The following NAPA variants were observed in gnomAD, a reference collection of about 807,000 sequenced individuals.
The protein encoded by NAPA is alpha-soluble NSF attachment protein.
A neutral mutation model predicts 48.0 loss-of-function variants in NAPA; 18 were observed. The observed-to-expected ratio is 0.38, with a 90% CI of 0.26 to 0.56. The LOEUF (loss-of-function observed/expected upper bound fraction) is 0.56, where lower values mean the gene tolerates loss of function less well. Among genes scored for constraint, NAPA ranks in the 20% least tolerant of loss-of-function variants. NAPA has a pLI of 0.77. For synonymous variants in NAPA, 152 were observed against 149.9 expected (o/e 1.01, Z -0.10); for missense variants, 315 against 385.0 (o/e 0.82, Z 1.52).
chr19:47,502,978 G>A (rs1019594884), intron 2 of NAPA, among the ~76,000 whole-genome samples: 2 of 152,204 alleles, frequency 1.3e-5, no homozygotes, highest in Non-Finnish European at 2.9e-5. Context: ...CTGACCCTTA[G>A]GGCTGCTGTG....
intron 1 of NAPA, 82 bp downstream of exon 1, chr19:47,514,761 G>A (rs1337721606): frequency 1.3e-5 from 18 of 1,359,016 alleles, no homozygotes; most frequent in Non-Finnish European, 1.7e-5. Flanking sequence ...CGAGCTCTGC[G>A]TGCCCTAACC....
intron 1 of NAPA, 34 bp downstream of exon 1, chr19:47,514,809 T>TA (rs1645887152): frequency 6.3e-7 from 1 of 1,599,474 alleles, no homozygotes; most frequent in African/African-American, 1.3e-5. Context: ...CCTCTCAGCC[T>TA]AGGTCCCGGC....
At chr19:47,508,493 A>C (rs940570197) in intron 1 of NAPA, among the ~76,000 whole-genome samples, 2 of 152,256 alleles carry the variant, frequency 1.3e-5, no homozygotes, top group Middle Eastern at 3.4e-3. Flanking sequence ...TGAAAGAATA[A>C]AGTGTCACAG....
At chr19:47,514,582 T>G (rs1968868679) in intron 1 of NAPA, among the ~76,000 whole-genome samples, 1 of 152,014 alleles carries the variant, frequency 6.6e-6, no homozygotes, top group African/African-American at 2.4e-5. Context: ...CGCCTCAAGA[T>G]AGTGTCGCCT....
At chr19:47,488,442 G>A in intron 10 of NAPA, 53 bp from the exon 11 acceptor site, 2 of 1,437,820 alleles carry the variant, frequency 1.4e-6, no homozygotes, top group Non-Finnish European at 9.7e-7. Context: ...TCCCAACCCT[G>A]CAGCCCAAGG....
rs1019574947 is a variant in NAPA at position 47,514,860 on chromosome 19, G to A, written c.81C>T (p.Phe27=). The part of the protein sequence containing the change: ...AERKVKNSQS[F]FSGLFGGSSK... Reference sequence around the variant, plus strand: ...GTTCTCACCCAAAGAGGCCAGAGAAGAAGGACTGCGAGTTCTTCACTTTGC... The same window carrying A: ...GTTCTCACCCAAAGAGGCCAGAGAAAAAGGACTGCGAGTTCTTCACTTTGC... Residue 27 remains phenylalanine (F), a synonymous_variant, in exon 1 of 11, where the codon TTC becomes TTT. Transcript: ENST00000263354. 5.0e-6 allele frequency: 8 copies of A among 1,614,036 alleles called. No homozygotes were observed. Among genetic ancestry groups the A allele is most frequent in the Middle Eastern group, 3.3e-4 (2 of 6,062 alleles).
chr19:47,500,425 G>A (rs752414703), intron 3 of NAPA, among the ~76,000 whole-genome samples: 1 of 152,194 alleles, frequency 6.6e-6, no homozygotes, highest in Non-Finnish European at 1.5e-5. Flanking sequence ...ATAGGGGGGC[G>A]GAGACTTGAG....
chr19:47,503,162 T>G (rs1310949546), intron 2 of NAPA, among the ~76,000 whole-genome samples: 2 of 152,252 alleles, frequency 1.3e-5, no homozygotes, highest in Non-Finnish European at 2.9e-5. Context: ...CTCTAAGAGC[T>G]CATCAATCCA....
chr19:47,494,161 C>T (rs1454514070), intron 4 of NAPA, among the ~76,000 whole-genome samples: 1 of 152,214 alleles, frequency 6.6e-6, no homozygotes, highest in African/African-American at 2.4e-5. Context: ...TCAGCCAGAC[C>T]TTGTTTCGGG....
At chr19:47,500,419 G>T (rs925636724) in intron 3 of NAPA, among the ~76,000 whole-genome samples, 4 of 152,324 alleles carry the variant, frequency 2.6e-5, no homozygotes, top group African/African-American at 7.2e-5. Context: ...CGGTAGATAG[G>T]GGGGCGGAGA....
chr19:47,488,430 G>A lies in NAPA; in HGVS notation c.787-41C>T, dbSNP rs574527168. On this transcript the variant is annotated intron_variant, in intron 10 of 10. Transcript: ENST00000263354. Reference sequence around the variant, plus strand: ...GTGATAGGCTGGCCATGCTCCCCCCGTTCCCAACCCTGCAGCCCAAGGGCA... The same window carrying A: ...GTGATAGGCTGGCCATGCTCCCCCCATTCCCAACCCTGCAGCCCAAGGGCA... 362 of 1,528,954 alleles carry A rather than the reference G, an allele frequency of 2.4e-4. 1 individual carries two copies. In the South Asian group the frequency reaches 3.7e-3, roughly 16 times the overall value. The allele number at this position is 1,528,954 out of a possible 1,614,324, so 94.7% of individuals were successfully genotyped here.
Position 47,490,776 on chromosome 19 carries a change from C to T in NAPA, c.735+12G>A, listed in dbSNP as rs1477106897. 1 of 1,612,844 alleles carries T rather than the reference C, an allele frequency of 6.2e-7. No individual in the cohort carries two copies. The highest frequency in any genetic ancestry group is 8.5e-7 in the Non-Finnish European group (1 of 1,179,470). ...GTTCGGGAAGGGGGAGGCCGGAGCA[C>T]CCAGCACTTACTTTCATCAACTTGC... On this transcript the variant is annotated intron_variant, in intron 9 of 10. Transcript: ENST00000263354.
chr19:47,512,732 A>G (rs1968828888), intron 1 of NAPA: 1 of 152,274 alleles, frequency 6.6e-6, no homozygotes, highest in Admixed American at 6.5e-5. Context: ...CCAGTCCATC[A>G]GCCCCGGATG....
chr19:47,501,599 T>C (rs1414837618), intron 2 of NAPA: 2 of 152,308 alleles, frequency 1.3e-5, no homozygotes, highest in Non-Finnish European at 2.9e-5. Context: ...TGCAGACCAG[T>C]GCCCATGGGC....
intron 10 of NAPA, 112 bp from the exon 11 acceptor site, chr19:47,488,501 T>G: frequency 1.3e-6 from 1 of 776,862 alleles, no homozygotes. Flanking sequence ...CCCTGGTCTC[T>G]GAGGAGGAGT....
rs987560503 is a variant in NAPA at position 47,507,243 on chromosome 19, C to T, written c.99-3741G>A. Among the ~76,000 whole-genome samples the T allele has an allele frequency of 3.9e-5, 6 of 152,204 alleles. 1 individual carries two copies. The highest frequency in any genetic ancestry group is 8.8e-5 in the Non-Finnish European group (6 of 68,042). On this transcript the variant is annotated intron_variant, in intron 1 of 10. Transcript: ENST00000263354. ...TACCCGCTCAGCTTTGCTCTCTCCCCCTCCAAGGCGGAGGAAGGAGTCTCA... is the reference window on the plus strand; with the variant it reads ...TACCCGCTCAGCTTTGCTCTCTCCCTCTCCAAGGCGGAGGAAGGAGTCTCA...
At chr19:47,511,642 G>A (rs1020827228) in intron 1 of NAPA, among the ~76,000 whole-genome samples, 1 of 152,194 alleles carries the variant, frequency 6.6e-6, no homozygotes, top group Non-Finnish European at 1.5e-5. Context: ...AGAAGGCTCT[G>A]GAATCACACA....
In NAPA at chr19:47,515,036, C is replaced by G. The variant is rs760340192; in HGVS notation, c.-96G>C. 20 of 1,289,352 alleles carry G rather than the reference C, an allele frequency of 1.6e-5. No homozygotes were observed. The highest frequency in any genetic ancestry group is 1.9e-5 in the Non-Finnish European group (18 of 930,400). The allele number at this position is 1,289,352 out of a possible 1,614,324, so 79.9% of individuals were successfully genotyped here. On this transcript the variant is annotated 5_prime_UTR_variant, in exon 1 of 11. Coordinates refer to ENST00000263354, the MANE Select transcript of NAPA (RefSeq NM_003827.4). ...GGAACACAGATCGGTAAAACTCGCCCGGCTGCGTTGACGTCGCACCGGCGC... is the reference window on the plus strand; with the variant it reads ...GGAACACAGATCGGTAAAACTCGCCGGGCTGCGTTGACGTCGCACCGGCGC...
intron 1 of NAPA, among the ~76,000 whole-genome samples, chr19:47,511,575 G>A (rs1163833917): frequency 1.3e-5 from 2 of 152,348 alleles, no homozygotes; most frequent in East Asian, 3.9e-4. Context: ...AGTGCCCAGA[G>A]ATGGTCATGA....
Sources: gnomAD v4.1 joint callset for allele counts (sites outside exome capture counted in the v4.1 genomes callset) on GRCh38, gnomAD v4.1.1 for gene constraint, MANE v1.5 for transcripts, NCBI Gene and HGNC (gene_info 2026-07-23, HGNC 2026-07-21) for gene names.